Variants in SLC37A2 observed in about 807,000 individuals in gnomAD.
SLC37A2 encodes the protein glucose-6-phosphate exchanger SLC37A2.
Under a neutral mutation model 70.7 loss-of-function variants are expected in SLC37A2, and 59 were observed. The ratio of observed to expected loss-of-function variants is 0.83; its 90% CI spans 0.68 to 1.04. The LOEUF (loss-of-function observed/expected upper bound fraction) is 1.04. SLC37A2 is among the 50% of genes least tolerant of loss of function. The probability of loss-of-function intolerance (pLI) is 0.00; values close to 1 mark genes in which losing one functional copy is unlikely to be tolerated. For missense variants in SLC37A2, 580 were observed against 658.1 expected, an observed-to-expected ratio of 0.88 and a Z score of 1.30; for synonymous variants, 257 against 262.1, an observed-to-expected ratio of 0.98 and a Z score of 0.19.
At chr11:125,088,085 T>C in intron 17 of SLC37A2, 34 bp from the exon 18 acceptor site, 4 of 1,551,670 alleles carry the variant, frequency 2.6e-6, no homozygotes, top group Non-Finnish European at 3.5e-6. Flanking sequence ...GTCATCTCAC[T>C]TTCTCTTCTG....
At position 125,081,454 on chromosome 11, in the gene SLC37A2, A is replaced by G. The variant is rs1565398705; in HGVS notation, c.728A>G (p.His243Arg). The G allele has an allele frequency of 1.9e-6, 3 of 1,609,348 alleles. No individual in the cohort carries two copies. Among genetic ancestry groups the G allele is most frequent in the Admixed American group, 3.4e-5 (2 of 59,466 alleles). Residue 243 changes from histidine (H) to arginine (R), a missense_variant, in exon 8 of 18, where the codon CAC becomes CGC. Coordinates refer to ENST00000403796, the MANE Select transcript of SLC37A2 (RefSeq NM_001145290.2). ...GATGTGGACTGCGCCCCTCCTCAGC[A>G]CCACGTGAGTGTGAGCCCTCCCAGC... ...PEDVDCAPPQHHGEPAENQDN... is the reference protein window; with the variant it reads ...PEDVDCAPPQRHGEPAENQDN...
At chr11:125,086,417 G>T in intron 17 of SLC37A2, 1 of 690,286 alleles carries the variant, frequency 1.4e-6, no homozygotes, top group Non-Finnish European at 2.6e-6. Flanking sequence ...TGCTTGGGAA[G>T]TGTTTTCCAA....
intron 1 of SLC37A2, among the ~76,000 whole-genome samples, chr11:125,069,923 C>G (rs755845303): frequency 2.0e-5 from 3 of 152,252 alleles, no homozygotes; most frequent in Non-Finnish European, 2.9e-5. Context: ...GTTCCCCAGC[C>G]TGGAGCCTGG....
chr11:125,068,448 C>T (rs1187528406), intron 1 of SLC37A2, among the ~76,000 whole-genome samples: 1 of 152,126 alleles, frequency 6.6e-6, no homozygotes, highest in Non-Finnish European at 1.5e-5. Flanking sequence ...CCTGCAAAGA[C>T]AATCAAGACA....
chr11:125,085,702 T>TGGCAGACTGTG, intron 16 of SLC37A2, 28 bp downstream of exon 16: 1 of 1,602,576 alleles, frequency 6.2e-7, no homozygotes, highest in East Asian at 2.2e-5. Context: ...CACAGATAGG[T>TGGCAGACTGTG]ATTGAGGGAT....
intron 13 of SLC37A2, 61 bp downstream of exon 13, chr11:125,084,934 T>C (rs75705739): frequency 1.9e-6 from 3 of 1,605,672 alleles, no homozygotes; most frequent in South Asian, 1.1e-5. Context: ...GGGGGCCCCA[T>C]GAGGCTGGCC....
chr11:125,074,010 C>T (rs915461912), intron 1 of SLC37A2, among the ~76,000 whole-genome samples: 16 of 152,204 alleles, frequency 1.1e-4, no homozygotes, highest in Admixed American at 3.9e-4. Context: ...CCCTGCGCCA[C>T]GCCACCTGAG....
intron 10 of SLC37A2, among the ~76,000 whole-genome samples, chr11:125,082,634 G>T (rs1949162720): frequency 6.6e-6 from 1 of 152,128 alleles, no homozygotes; most frequent in Non-Finnish European, 1.5e-5. Context: ...AGCCCTTAGT[G>T]TAGGAGAAAC....
Position 125,076,784 on chromosome 11 carries a change from C to A in SLC37A2, c.87C>A (p.Thr29=). 6.2e-7 allele frequency: 1 copy of A among 1,614,160 alleles called. No homozygotes were observed. Among genetic ancestry groups the A allele is most frequent in the Non-Finnish European group, 8.5e-7 (1 of 1,180,018 alleles). The change falls in exon 2 of 18, where the codon ACC becomes ACA. Residue 29 remains threonine (T), a synonymous_variant. Coordinates refer to ENST00000403796, the MANE Select transcript of SLC37A2 (RefSeq NM_001145290.2). ...SWFRGLILLL[T]FLIYACYHMS... ...TCCGAGGCCTCATCCTGCTGCTGACCTTCCTAATTTACGCCTGCTATCACA... is the reference window on the plus strand; with the variant it reads ...TCCGAGGCCTCATCCTGCTGCTGACATTCCTAATTTACGCCTGCTATCACA...
chr11:125,081,929 G>A, intron 9 of SLC37A2, 23 bp downstream of exon 9: 1 of 1,582,776 alleles, frequency 6.3e-7, no homozygotes, highest in Non-Finnish European at 8.6e-7. Context: ...TGGAATGGAG[G>A]AAAGAGAGGG....
Position 125,079,186 on chromosome 11 carries a change from C to T in SLC37A2, c.389C>T (p.Ser130Leu), listed in dbSNP as rs777605414. The T allele has an allele frequency of 2.4e-5, 39 of 1,614,094 alleles. No individual in the cohort carries two copies. The highest frequency in any genetic ancestry group is 3.3e-5 in the South Asian group (3 of 91,090). The change falls in exon 5 of 18, where the codon TCG becomes TTG. Residue 130 changes from serine to leucine, a missense_variant. By Grantham distance (145) the Ser-to-Leu change is moderately radical. Coordinates refer to ENST00000403796, the MANE Select transcript of SLC37A2 (RefSeq NM_001145290.2). The stretch of plus-strand genomic sequence containing the variant: ...ATGCTGCTCAGTGGCCTTTTCACCT[C>T]GCTCTTTGGCCTGGGATATTTCTGG... The part of the protein sequence containing the change: ...AGMLLSGLFT[S>L]LFGLGYFWNI...
At chr11:125,086,227 A>G in intron 17 of SLC37A2, 1 of 1,613,208 alleles carries the variant, frequency 6.2e-7, no homozygotes, top group South Asian at 1.1e-5. Flanking sequence ...CTAACCCACC[A>G]GTGATAGTAT....
At chr11:125,070,780 C>A (rs1380574069) in intron 1 of SLC37A2, among the ~76,000 whole-genome samples, 1 of 152,184 alleles carries the variant, frequency 6.6e-6, no homozygotes, top group African/African-American at 2.4e-5. Context: ...TCCCATCCCC[C>A]ACCCCTCGTG....
intron 1 of SLC37A2, among the ~76,000 whole-genome samples, chr11:125,075,929 C>T (rs1949081702): frequency 6.6e-6 from 1 of 152,148 alleles, no homozygotes; most frequent in Non-Finnish European, 1.5e-5. Context: ...ACTGGGGCTC[C>T]ACTCTGAGGC....
chr11:125,068,611 G>C (rs779752706), intron 1 of SLC37A2, among the ~76,000 whole-genome samples: 7 of 152,216 alleles, frequency 4.6e-5, no homozygotes, highest in African/African-American at 7.2e-5. Flanking sequence ...GGGGAATGCA[G>C]AAGTCGGTTG....
Position 125,082,265 on chromosome 11 carries a change from T to A in SLC37A2, c.907T>A (p.Cys303Ser). The A allele has an allele frequency of 1.2e-6, 2 of 1,613,976 alleles. No individual in the cohort carries two copies. Among genetic ancestry groups the A allele is most frequent in the Non-Finnish European group, 1.7e-6 (2 of 1,179,928 alleles). The change falls in exon 10 of 18, where the codon TGT (cysteine) becomes AGT (serine). Residue 303 changes from cysteine to serine, a missense_variant. Transcript: ENST00000403796. ...CCAGGGCGTGGTCGAGTTCTCTCTG[T>A]GTCTGCTGTTTGCCAAGCTGGTCAG... ...RIPGVVEFSL[C>S]LLFAKLVSYT... is the part of the protein sequence containing the mutation.
rs1396031322 is a variant in SLC37A2, at chr11:125,080,105, C to T, written c.527+345C>T. Among the ~76,000 whole-genome samples, 1 of 152,162 alleles carries T rather than the reference C, an allele frequency of 6.6e-6. No individual in the cohort carries two copies. Among genetic ancestry groups the T allele is most frequent in the Admixed American group, 6.5e-5 (1 of 15,282 alleles). Reference sequence around the variant, plus strand: ...GTTGCTTTGGAGAAGGAGTTCTCACCCTTGGCACTACTGACTTTCTGGGCT... The same window carrying T: ...GTTGCTTTGGAGAAGGAGTTCTCACTCTTGGCACTACTGACTTTCTGGGCT... On this transcript the variant is annotated intron_variant, in intron 6 of 17. Coordinates refer to ENST00000403796, the MANE Select transcript of SLC37A2 (RefSeq NM_001145290.2). The surrounding 1 kb of genome is among the most constrained non-coding windows in gnomAD (Gnocchi z 4.3).
chr11:125,085,972 T>C lies in SLC37A2; in HGVS notation c.1444T>C (p.Tyr482His), dbSNP rs1949209091. Residue 482 changes from tyrosine (Y) to histidine (H), a missense_variant, in exon 17 of 18, where the codon TAC (tyrosine) becomes CAC (histidine). Physicochemically the swap from Tyr to His is moderately conservative, Grantham distance 83. Coordinates refer to ENST00000403796, the MANE Select transcript of SLC37A2 (RefSeq NM_001145290.2). ...TCCACAGCTCCTTTGCCGGTTAGTA[T>C]ACAAAGAGATCTTGGCCTGGAAGGT... ...LACLLLCRLV[Y>H]KEILAWKVSL... The C allele has an allele frequency of 6.2e-7, 1 of 1,614,164 alleles. No individual in the cohort carries two copies. The highest frequency in any genetic ancestry group is 8.5e-7 in the Non-Finnish European group (1 of 1,180,014).
chr11:125,072,153 T>TG (rs1183780283), intron 1 of SLC37A2, among the ~76,000 whole-genome samples: 30 of 152,206 alleles, frequency 2.0e-4, no homozygotes, highest in African/African-American at 6.7e-4. Context: ...GTCGGTCTTT[T>TG]GGGGGTTTTG....
Sources: allele counts gnomAD v4.1 joint callset (sites outside exome capture counted in the v4.1 genomes callset), GRCh38; gene constraint gnomAD v4.1.1; non-coding constraint Gnocchi (gnomAD v3.1); transcripts MANE v1.5; gene names NCBI Gene and HGNC (gene_info 2026-07-23, HGNC 2026-07-21).